NELL1: variants seen among roughly 807,000 people sequenced by gnomAD.
NELL1 encodes the protein neural EGFL like 1.
NELL1 carries 76 observed loss-of-function variants against 107.4 expected under a neutral mutation model. That is an observed-to-expected ratio of 0.71 (90% CI 0.59 to 0.86). The LOEUF (loss-of-function observed/expected upper bound fraction) is 0.86, where lower values mean the gene tolerates loss of function less well. Among genes scored for constraint, NELL1 ranks in the 40% least tolerant of loss-of-function variants. The pLI is 0.00. For synonymous variants in NELL1, 353 were observed against 341.2 expected (o/e 1.03, Z -0.38); for missense variants, 1,024 against 1,005.5 (o/e 1.02, Z -0.25).
At chr11:21,145,099 G>A (rs1422841854) in intron 13 of NELL1, among the ~76,000 whole-genome samples, 1 of 152,140 alleles carries the variant, frequency 6.6e-6, no homozygotes, top group African/African-American at 2.4e-5. Context: ...TACATAGTCA[G>A]TGCTATATAG....
chr11:21,241,131 A>G (rs1858347183), intron 14 of NELL1, among the ~76,000 whole-genome samples: 1 of 152,130 alleles, frequency 6.6e-6, no homozygotes, highest in South Asian at 2.1e-4. Context: ...AGCAATCAGA[A>G]TAAGATTGTT....
At chr11:20,695,050 C>A (rs868442202) in intron 2 of NELL1, among the ~76,000 whole-genome samples, 2 of 151,744 alleles carry the variant, frequency 1.3e-5, no homozygotes, top group African/African-American at 2.4e-5. Flanking sequence ...TTTTTTTGTG[C>A]ATATATTATA....
chr11:20,834,544 T>A (rs1848494075), intron 3 of NELL1, among the ~76,000 whole-genome samples: 1 of 151,614 alleles, frequency 6.6e-6, no homozygotes, highest in Non-Finnish European at 1.5e-5. Flanking sequence ...CTACTAAACA[T>A]ACAAAAAAAT....
At chr11:21,278,984 G>A (rs952924351) in intron 14 of NELL1, among the ~76,000 whole-genome samples, 2 of 152,162 alleles carry the variant, frequency 1.3e-5, no homozygotes, top group Non-Finnish European at 2.9e-5. Context: ...TAGTAATATA[G>A]TCAACTGATC....
intron 2 of NELL1, among the ~76,000 whole-genome samples, chr11:20,780,704 T>C (rs1856834250): frequency 6.6e-6 from 1 of 152,228 alleles, no homozygotes; most frequent in Admixed American, 6.5e-5. Flanking sequence ...GAGACATTAA[T>C]GCAGAGTCTG....
intron 16 of NELL1, among the ~76,000 whole-genome samples, chr11:21,538,189 C>T (rs1856188282): frequency 6.6e-6 from 1 of 152,010 alleles, no homozygotes; most frequent in Non-Finnish European, 1.5e-5. Context: ...CATATGTTAT[C>T]ATCTAAAATG....
chr11:21,188,406 T>C (rs1159353989), intron 13 of NELL1, among the ~76,000 whole-genome samples: 1 of 151,796 alleles, frequency 6.6e-6, no homozygotes, highest in Non-Finnish European at 1.5e-5. Flanking sequence ...TTGGCTCCCA[T>C]AGCAGGTTTA....
At chr11:21,566,845 AGTTACCCT>A (rs1564964516) in intron 17 of NELL1, among the ~76,000 whole-genome samples, 3 of 152,024 alleles carry the variant, frequency 2.0e-5, no homozygotes, top group South Asian at 4.1e-4. Flanking sequence ...TTTTCTTGAC[AGTTACCCT>A]GTAATTCAAA....
chr11:20,965,012 G>A (rs926468907), intron 12 of NELL1, among the ~76,000 whole-genome samples: 9 of 152,058 alleles, frequency 5.9e-5, no homozygotes, highest in East Asian at 3.9e-4. Flanking sequence ...GCGTAATAGC[G>A]TAAGCCTACG....
chr11:21,309,267 TA>T (rs1252464601), intron 14 of NELL1, among the ~76,000 whole-genome samples: 2 of 35,048 alleles, frequency 5.7e-5, no homozygotes, highest in African/African-American at 1.1e-4. Flanking sequence ...TATGTATATA[TA>T]TATATATATA....
rs372420048 is a variant in NELL1 at position 21,157,161 on chromosome 11, A to ATATATGTG, written c.1426+43448_1426+43449insATATGTGT. On this transcript the variant is annotated intron_variant, in intron 13 of 19. Coordinates refer to ENST00000357134, the MANE Select transcript of NELL1 (RefSeq NM_006157.5). ...TATGAATGTGTATGTATATATATAT[A>ATATATGTG]TGTGTGTGTGTGTGTGTGTGTGTAC... Among the ~76,000 whole-genome samples, 443 of 149,740 alleles carry ATATATGTG rather than the reference A, an allele frequency of 3.0e-3. 2 individuals are homozygous for ATATATGTG. Among genetic ancestry groups the ATATATGTG allele is most frequent in the African/African-American group, 8.8e-3 (359 of 40,704 alleles).
intron 15 of NELL1, among the ~76,000 whole-genome samples, chr11:21,533,705 G>C (rs1375155126): frequency 6.6e-6 from 1 of 152,168 alleles, no homozygotes; most frequent in Non-Finnish European, 1.5e-5. Context: ...ATTGAAGAAT[G>C]AGAATCTCTG....
chr11:21,354,263 T>C (rs1209306759), intron 14 of NELL1, among the ~76,000 whole-genome samples: 2 of 152,138 alleles, frequency 1.3e-5, no homozygotes, highest in Admixed American at 1.3e-4. Context: ...AGGGACAGTA[T>C]TGTCTGCAGG....
intron 15 of NELL1, among the ~76,000 whole-genome samples, chr11:21,394,013 T>A (rs10766796): frequency 0.33 from 50,302 of 151,446 alleles, 8,603 homozygotes; most frequent in South Asian, 0.4. Context: ...GATGAAGTTA[T>A]AATGGTAATT....
rs144418712 is a variant in NELL1, at chr11:20,905,329, T to A, written c.604-12853T>A. ...AAGGGGCAGATCTGTTCTCCAGTGTTAATACATTATAACATCCAAATGTTC... is the reference window on the plus strand; with the variant it reads ...AAGGGGCAGATCTGTTCTCCAGTGTAAATACATTATAACATCCAAATGTTC... On this transcript the variant is annotated intron_variant, in intron 5 of 19. Coordinates refer to ENST00000357134, the MANE Select transcript of NELL1 (RefSeq NM_006157.5). Among the ~76,000 whole-genome samples, 729 of 152,282 alleles carry A rather than the reference T, an allele frequency of 4.8e-3. 2 individuals carry two copies. The highest frequency in any genetic ancestry group is 0.017 in the African/African-American group (695 of 41,568).
At chr11:21,295,843 T>C (rs972997821) in intron 14 of NELL1, among the ~76,000 whole-genome samples, 1 of 151,980 alleles carries the variant, frequency 6.6e-6, no homozygotes, top group Non-Finnish European at 1.5e-5. Flanking sequence ...AGAGACATAT[T>C]TGAAGTGGAA....
At chr11:21,335,691 C>A (rs1370065911) in intron 14 of NELL1, among the ~76,000 whole-genome samples, 2 of 152,024 alleles carry the variant, frequency 1.3e-5, no homozygotes, top group African/African-American at 4.8e-5. Flanking sequence ...GTCCTTTCCC[C>A]ACCCTCTAAA....
chr11:21,404,010 C>CCCA (rs1554905728), intron 15 of NELL1, among the ~76,000 whole-genome samples: 2 of 108,242 alleles, frequency 1.8e-5, no homozygotes, highest in South Asian at 4.6e-4. Flanking sequence ...CCTGAACCCC[C>CCCA]CCCCCCGCAA....
intron 11 of NELL1, among the ~76,000 whole-genome samples, chr11:20,954,365 G>T (rs1236792809): frequency 1.3e-5 from 2 of 152,078 alleles, no homozygotes; most frequent in African/African-American, 4.8e-5. Flanking sequence ...ACTAGGATCT[G>T]TGTCCTGCTC....
Sources: allele counts gnomAD v4.1 joint callset (sites outside exome capture counted in the v4.1 genomes callset), GRCh38; gene constraint gnomAD v4.1.1; transcripts MANE v1.5; gene names NCBI Gene and HGNC (gene_info 2026-07-23, HGNC 2026-07-21).